Variants in UNKL observed in about 807,000 individuals in gnomAD.
The protein encoded by UNKL is unk like zinc finger.
UNKL carries 60 observed loss-of-function variants against 78.0 expected under a neutral mutation model. That is an observed-to-expected ratio of 0.77 (90% CI 0.63 to 0.95). The LOEUF (loss-of-function observed/expected upper bound fraction) is 0.95, where lower values mean the gene tolerates loss of function less well. Among genes scored for constraint, UNKL ranks in the 40% least tolerant of loss-of-function variants. The pLI, the probability that UNKL is intolerant of heterozygous loss-of-function variation, is 0.00. For missense variants in UNKL, 1,159 were observed against 1,045.7 expected, an observed-to-expected ratio of 1.11 and a Z score of -1.49; for synonymous variants, 608 against 474.8, an observed-to-expected ratio of 1.28 and a Z score of -3.65.
intron 10 of UNKL, among the ~76,000 whole-genome samples, chr16:1,380,489 G>C (rs2036560287): frequency 6.6e-6 from 1 of 152,104 alleles, no homozygotes; most frequent in African/African-American, 2.4e-5. Flanking sequence ...GGCTAGTGCA[G>C]GGATGTAACT....
Position 1,366,276 on chromosome 16 carries a change from C to A in UNKL, c.2166G>T (p.Glu722Asp). ...GGGGCTGGCCCTTGCAGTAGGGGCA[C>A]TCAGGTGCGGTGGCCGCACACGGCT... The part of the protein sequence containing the change: ...LCEPCAATAP[E>D]CPYCKGQPLQ... The change falls in exon 15 of 15, where the codon GAG becomes GAT. Residue 722 changes from glutamate (E) to aspartate (D), a missense_variant. By Grantham distance (45) the Glu-to-Asp change is conservative. Coordinates refer to ENST00000389221, the MANE Select transcript of UNKL (RefSeq NM_001372107.1). 1 of 1,592,090 alleles carries A rather than the reference C, an allele frequency of 6.3e-7. No individual in the cohort carries two copies. The highest frequency in any genetic ancestry group is 1.1e-5 in the South Asian group (1 of 87,984).
intron 12 of UNKL, 116 bp from the exon 13 acceptor site, chr16:1,367,974 G>A: frequency 2.1e-6 from 2 of 937,862 alleles, no homozygotes; most frequent in South Asian, 1.7e-5. Context: ...GGGCTCACCT[G>A]CCCTGGCAGC....
At chr16:1,398,585 G>C in intron 5 of UNKL, 1 of 1,411,220 alleles carries the variant, frequency 7.1e-7, no homozygotes. Context: ...AAAGAGGCGA[G>C]GGTGGCTCTC....
intron 6 of UNKL, chr16:1,394,442 C>T (rs1222639179): frequency 1.2e-5 from 8 of 686,610 alleles, no homozygotes; most frequent in African/African-American, 1.8e-5. Flanking sequence ...GGGCCATTCC[C>T]GCAGCATCTG....
chr16:1,412,463 T>A (rs113537023), intron 2 of UNKL, among the ~76,000 whole-genome samples: 2,556 of 151,880 alleles, frequency 0.017, 85 homozygotes, highest in African/African-American at 0.059. Flanking sequence ...ATACAAAAAC[T>A]TAGCTAGGCG....
chr16:1,364,396 T>TA lies in UNKL; in HGVS notation c.*1843dup, dbSNP rs1360492641. 6.6e-6 allele frequency: 1 copy of TA among 152,232 alleles called. No homozygotes were observed. 9.4% of individuals were successfully genotyped at this position (152,232 alleles called of 1,614,324 possible). On this transcript the variant is annotated 3_prime_UTR_variant, in exon 15 of 15. Transcript: ENST00000389221. The stretch of plus-strand genomic sequence containing the variant: ...ACGTTTTGCACTTAAAAAATGCTAT[T>TA]AAAAGTCTTTGGCAAAGCCACGGTC...
chr16:1,408,288 C>A (rs2037865695), intron 2 of UNKL, among the ~76,000 whole-genome samples: 2 of 152,160 alleles, frequency 1.3e-5, no homozygotes, highest in African/African-American at 4.8e-5. Flanking sequence ...CAGGACGGTT[C>A]CCACGGGGGC....
chr16:1,363,462 G>A lies in UNKL; in HGVS notation c.*2778C>T, dbSNP rs928904342. On this transcript the variant is annotated 3_prime_UTR_variant, in exon 15 of 15. Transcript: ENST00000389221. ...ACTTGAGGCGTCCACGCGGAACAAG[G>A]TCTGCTGACCACAGTTACACACGTC... 2.7e-5 allele frequency: 9 copies of A among 339,524 alleles called. No individual in the cohort carries two copies. Among genetic ancestry groups the A allele is most frequent in the Non-Finnish European group, 4.6e-5 (8 of 174,458 alleles). 21.0% of individuals were successfully genotyped at this position (339,524 alleles called of 1,614,324 possible).
At chr16:1,376,376 C>T (rs2036226980) in intron 10 of UNKL, among the ~76,000 whole-genome samples, 1 of 150,588 alleles carries the variant, frequency 6.6e-6, no homozygotes, top group Non-Finnish European at 1.5e-5. Context: ...CTTCCCTCCT[C>T]CCTCCAGGGC....
At chr16:1,376,866 G>C (rs1263036865) in intron 10 of UNKL, among the ~76,000 whole-genome samples, 1 of 152,068 alleles carries the variant, frequency 6.6e-6, no homozygotes, top group Non-Finnish European at 1.5e-5. Context: ...AAAGTTACCT[G>C]CGCAAATGCT....
chr16:1,375,424 G>A (rs1009302739), intron 10 of UNKL, among the ~76,000 whole-genome samples: 2 of 152,178 alleles, frequency 1.3e-5, no homozygotes, highest in Non-Finnish European at 2.9e-5. Context: ...TCGTCCACAC[G>A]CCAGCCGTGA....
chr16:1,411,160 C>G lies in UNKL; in HGVS notation c.287+2686G>C, dbSNP rs566498805. 1.3e-4 allele frequency among the ~76,000 whole-genome samples: 20 copies of G among 152,144 alleles called. No individual in the cohort carries two copies. In the South Asian group the frequency reaches 3.9e-3, roughly 30 times the overall value. On this transcript the variant is annotated intron_variant, in intron 2 of 14. Transcript: ENST00000389221. ...GGGTCCAGGAGTTTGAGACTGAGACCAGCCTGGACAATGTAGCAAAACCCC... is the reference window on the plus strand; with the variant it reads ...GGGTCCAGGAGTTTGAGACTGAGACGAGCCTGGACAATGTAGCAAAACCCC...
Position 1,364,228 on chromosome 16 carries a change from T to G in UNKL, c.*2012A>C, listed in dbSNP as rs2035053629. On this transcript the variant is annotated 3_prime_UTR_variant, in exon 15 of 15. Transcript: ENST00000389221. ...CGATAGTTACCTTGGAGTAGTGGAC[T>G]AGCTGCAGAATGTCACGGACCCACT... 1 of 152,250 alleles carries G rather than the reference T, an allele frequency of 6.6e-6. No homozygotes were observed. Among genetic ancestry groups the G allele is most frequent in the Admixed American group, 6.5e-5 (1 of 15,286 alleles). 9.4% of individuals were successfully genotyped at this position (152,250 alleles called of 1,614,324 possible).
intron 13 of UNKL, 128 bp downstream of exon 13, chr16:1,367,528 C>A: frequency 1.1e-6 from 1 of 916,046 alleles, no homozygotes; most frequent in Non-Finnish European, 1.5e-6. Context: ...CCCGTCTCAC[C>A]CCCCACACGC....
intron 10 of UNKL, chr16:1,379,590 G>A (rs1415395274): frequency 5.1e-6 from 5 of 985,122 alleles, no homozygotes; most frequent in African/African-American, 1.7e-5. Flanking sequence ...AACGAGACCC[G>A]CACCTTGGCG....
Position 1,392,962 on chromosome 16 carries a change from C to G in UNKL, c.952G>C (p.Val318Leu). ...FAHVEKSLGM[V>L]NEWGCHDLHL... ...AGGTCGTGACAGCCCCATTCATTCA[C>G]CATCCCCAGGCTCTCTGCAAGGACA... Residue 318 changes from valine (V) to leucine (L), a missense_variant, in exon 8 of 15, where the codon GTG becomes CTG. Physicochemically the swap from Val to Leu is conservative, Grantham distance 32. Coordinates refer to ENST00000389221, the MANE Select transcript of UNKL (RefSeq NM_001372107.1). 1.3e-6 allele frequency: 2 copies of G among 1,550,560 alleles called. No homozygotes were observed. The highest frequency in any genetic ancestry group is 1.7e-6 in the Non-Finnish European group (2 of 1,146,996).
At position 1,365,885 on chromosome 16, in the gene UNKL, GC is replaced by G. The variant is rs2035210505; in HGVS notation, c.*354del. On this transcript the variant is annotated 3_prime_UTR_variant, in exon 15 of 15. Coordinates refer to ENST00000389221, the MANE Select transcript of UNKL (RefSeq NM_001372107.1). ...CTTTGAAAGACCCCAGCTCCCAGTG[GC>G]CTAGTCACAGTAGTGTCAGGACCAC... is the stretch of plus-strand genomic sequence containing the variant. 5.0e-6 allele frequency: 1 copy of G among 198,974 alleles called. No individual in the cohort carries two copies. Among genetic ancestry groups the G allele is most frequent in the Non-Finnish European group, 1.0e-5 (1 of 98,996 alleles). 12.3% of individuals were successfully genotyped at this position (198,974 alleles called of 1,614,324 possible). A position where few individuals can be genotyped will look rare whatever the true frequency, so the allele number is the denominator to read the frequency against.
In UNKL at chr16:1,372,060, T is replaced by G. The variant is rs576378983; in HGVS notation, c.1265-449A>C. Reference sequence around the variant, plus strand: ...TCACAAGGTCAGGAGATCGAGACCATCCTGGCTAACACGGTGAAACCCCGT... The same window carrying G: ...TCACAAGGTCAGGAGATCGAGACCAGCCTGGCTAACACGGTGAAACCCCGT... On this transcript the variant is annotated intron_variant, in intron 10 of 14. Transcript: ENST00000389221. Among the ~76,000 whole-genome samples, 31 of 150,410 alleles carry G rather than the reference T, an allele frequency of 2.1e-4. No individual in the cohort carries two copies. In the East Asian group the frequency reaches 6.1e-3, roughly 30 times the overall value.
intron 8 of UNKL, among the ~76,000 whole-genome samples, chr16:1,391,740 T>G (rs1567224135): frequency 6.6e-6 from 1 of 152,094 alleles, no homozygotes. Flanking sequence ...CAGGCTGGAG[T>G]GCAGTGGCGC....
Sources: allele counts gnomAD v4.1 joint callset (sites outside exome capture counted in the v4.1 genomes callset), GRCh38; gene constraint gnomAD v4.1.1; transcripts MANE v1.5; gene names NCBI Gene and HGNC (gene_info 2026-07-23, HGNC 2026-07-21).